PRKCE: variants seen among roughly 807,000 people sequenced by gnomAD.
PRKCE encodes the protein protein kinase C epsilon.
In PRKCE, 16 loss-of-function variants were observed where a neutral mutation model predicts 85.4. The ratio of observed to expected loss-of-function variants is 0.19; its 90% CI spans 0.13 to 0.28. The LOEUF is 0.28. Among genes scored for constraint, PRKCE ranks in the 10% least tolerant of loss-of-function variants. The pLI, the probability that PRKCE is intolerant of heterozygous loss-of-function variation, is 1.00. For synonymous variants in PRKCE, 388 were observed against 371.5 expected, an observed-to-expected ratio of 1.04 and a Z score of -0.51; for missense variants, 573 against 975.2, an observed-to-expected ratio of 0.59 and a Z score of 5.49.
At chr2:45,960,256 C>G (rs1434724892) in intron 2 of PRKCE, among the ~76,000 whole-genome samples, 1 of 152,194 alleles carries the variant, frequency 6.6e-6, no homozygotes, top group Non-Finnish European at 1.5e-5. Flanking sequence ...ACTATGTACA[C>G]CTAGATGAGT....
chr2:45,671,104 C>T (rs1029229040), intron 1 of PRKCE, among the ~76,000 whole-genome samples: 2 of 152,226 alleles, frequency 1.3e-5, no homozygotes, highest in African/African-American at 4.8e-5. Context: ...ATCAGGAATG[C>T]AGCATCTTTG....
chr2:46,167,414 C>T (rs1437292709), intron 14 of PRKCE, among the ~76,000 whole-genome samples: 2 of 152,144 alleles, frequency 1.3e-5, no homozygotes, highest in African/African-American at 2.4e-5. Context: ...AGGAGGACAA[C>T]AGGAGCCTGA....
chr2:45,991,644 C>G (rs1703808330), intron 6 of PRKCE, among the ~76,000 whole-genome samples: 1 of 152,166 alleles, frequency 6.6e-6, no homozygotes, highest in Non-Finnish European at 1.5e-5. Context: ...TATGCTGTCA[C>G]AGACATCCTC....
At chr2:45,699,729 G>A (rs151319995) in intron 1 of PRKCE, among the ~76,000 whole-genome samples, 28 of 152,322 alleles carry the variant, frequency 1.8e-4, no homozygotes, top group Middle Eastern at 6.8e-3. Context: ...TGTGTGCACA[G>A]GGTAAGGTGG....
chr2:45,862,720 C>T (rs980220435), intron 2 of PRKCE, among the ~76,000 whole-genome samples: 2 of 152,190 alleles, frequency 1.3e-5, no homozygotes, highest in Non-Finnish European at 2.9e-5. Context: ...TCAGAGCAGG[C>T]AGCTTATTAC....
At chr2:46,081,043 G>A (rs185077089) in intron 10 of PRKCE, among the ~76,000 whole-genome samples, 61 of 152,112 alleles carry the variant, frequency 4.0e-4, no homozygotes, top group African/African-American at 1.4e-3. Flanking sequence ...CCAGGCTGGA[G>A]CACAGTGGTG....
chr2:45,678,471 T>C (rs901592826), intron 1 of PRKCE, among the ~76,000 whole-genome samples: 1 of 152,242 alleles, frequency 6.6e-6, no homozygotes, highest in Non-Finnish European at 1.5e-5. Flanking sequence ...CTTTTGCTGG[T>C]TAAGGTAACC....
intron 2 of PRKCE, among the ~76,000 whole-genome samples, chr2:45,961,774 C>G (rs1317743473): frequency 6.6e-6 from 1 of 152,106 alleles, no homozygotes; most frequent in Admixed American, 6.5e-5. Context: ...TGGCTCACTG[C>G]AACCTCTGCC....
intron 1 of PRKCE, among the ~76,000 whole-genome samples, chr2:45,725,449 G>A (rs1446682294): frequency 1.3e-5 from 2 of 152,146 alleles, no homozygotes; most frequent in African/African-American, 4.8e-5. Flanking sequence ...TATTGTTTAA[G>A]AAATACATTT....
intron 1 of PRKCE, chr2:45,698,018 A>G (rs1484351003): frequency 1.3e-5 from 2 of 152,490 alleles, no homozygotes; most frequent in Admixed American, 1.3e-4. Context: ...GGGTATGTCA[A>G]CTCCATGTAG....
intron 1 of PRKCE, among the ~76,000 whole-genome samples, chr2:45,723,320 A>G (rs185136080): frequency 6.6e-5 from 10 of 152,286 alleles, no homozygotes; most frequent in African/African-American, 2.4e-4. Flanking sequence ...GCCAGCATCC[A>G]GTTCACATGT....
intron 2 of PRKCE, among the ~76,000 whole-genome samples, chr2:45,926,445 A>T (rs1354900798): frequency 5.9e-5 from 9 of 152,084 alleles, no homozygotes; most frequent in Non-Finnish European, 1.0e-4. Flanking sequence ...ATCTTTTGTT[A>T]TGGTGGTGGT....
chr2:45,694,203 G>A (rs561263015), intron 1 of PRKCE, among the ~76,000 whole-genome samples: 30 of 150,626 alleles, frequency 2.0e-4, no homozygotes, highest in Non-Finnish European at 3.5e-4. Flanking sequence ...TTTCTCTAGC[G>A]TCAAGTATTA....
intron 10 of PRKCE, among the ~76,000 whole-genome samples, chr2:46,024,954 T>G (rs1706985069): frequency 6.6e-6 from 1 of 152,204 alleles, no homozygotes; most frequent in South Asian, 2.1e-4. Flanking sequence ...CAGAGTTTTA[T>G]TCCCTTGGGA....
chr2:45,723,992 G>T (rs1680846174), intron 1 of PRKCE, among the ~76,000 whole-genome samples: 2 of 152,158 alleles, frequency 1.3e-5, no homozygotes, highest in Admixed American at 1.3e-4. Flanking sequence ...CTCTCATTTT[G>T]AGCAGCTAGC....
intron 1 of PRKCE, among the ~76,000 whole-genome samples, chr2:45,751,357 C>A (rs546700377): frequency 6.6e-6 from 1 of 152,298 alleles, no homozygotes; most frequent in East Asian, 1.9e-4. Flanking sequence ...GTTATCACAT[C>A]ATTATATAAT....
chr2:45,741,054 G>C (rs1161823398), intron 1 of PRKCE, among the ~76,000 whole-genome samples: 3 of 152,128 alleles, frequency 2.0e-5, no homozygotes, highest in Admixed American at 1.3e-4. Context: ...AAATTAAAAA[G>C]GTTGCTCACC....
rs1680334163 is a variant in PRKCE at position 46,184,789 on chromosome 2, G to A, written c.2122G>A (p.Val708Ile). 1.9e-6 allele frequency: 3 copies of A among 1,599,746 alleles called. No homozygotes were observed. Among genetic ancestry groups the A allele is most frequent in the East Asian group, 2.2e-5 (1 of 44,866 alleles). ...FDQDFTREEP[V>I]LTLVDEAIVK... ...CCAAGACTTTACCCGGGAAGAGCCG[G>A]TACTCACCCTTGTGGACGAAGCAAT... The change falls in exon 15 of 15, where the codon GTA (valine) becomes ATA (isoleucine). Residue 708 changes from valine to isoleucine, a missense_variant. Val to Ile is a conservative substitution (Grantham distance 29, BLOSUM62 3). Coordinates refer to ENST00000306156, the MANE Select transcript of PRKCE (RefSeq NM_005400.3). The surrounding 1 kb of genome is among the most constrained non-coding windows in gnomAD (Gnocchi z 5.0).
intron 14 of PRKCE, among the ~76,000 whole-genome samples, chr2:46,178,313 T>A (rs943462405): frequency 6.6e-6 from 1 of 152,188 alleles, no homozygotes; most frequent in Non-Finnish European, 1.5e-5. Context: ...CCATGGGCAG[T>A]CCAGTGCCAG....
Sources: gnomAD v4.1 joint callset for allele counts (sites outside exome capture counted in the v4.1 genomes callset) on GRCh38, gnomAD v4.1.1 for gene constraint, Gnocchi (gnomAD v3.1) non-coding constraint, MANE v1.5 for transcripts, NCBI Gene and HGNC (gene_info 2026-07-23, HGNC 2026-07-21) for gene names.